The following SCAF8 variants were observed in gnomAD, a reference collection of about 807,000 sequenced individuals.
SCAF8 encodes the protein SR-related CTD associated factor 8, also known as SR-related and CTD-associated factor 8.
In SCAF8, 23 loss-of-function variants were observed where a neutral mutation model predicts 140.5. The observed-to-expected ratio is 0.16, with a 90% confidence interval of 0.12 to 0.23. The LOEUF (loss-of-function observed/expected upper bound fraction) is 0.23. Ranked by LOEUF, SCAF8 falls within the 10% of genes least tolerant of loss-of-function variation. The pLI, the probability that SCAF8 is intolerant of heterozygous loss-of-function variation, is 1.00. For synonymous variants in SCAF8, 575 were observed against 528.9 expected, an observed-to-expected ratio of 1.09 and a Z score of -1.20; for missense variants, 1,397 against 1,555.7, an observed-to-expected ratio of 0.90 and a Z score of 1.72.
intron 1 of SCAF8, among the ~76,000 whole-genome samples, chr6:154,745,161 TCTC>T (rs1249667650): frequency 1.3e-5 from 2 of 152,160 alleles, no homozygotes; most frequent in Non-Finnish European, 2.9e-5. Context: ...TTACTCCTCT[TCTC>T]TTGTATGACC....
At chr6:154,763,299 T>C (rs1436938207) in intron 1 of SCAF8, among the ~76,000 whole-genome samples, 1 of 152,208 alleles carries the variant, frequency 6.6e-6, no homozygotes, top group East Asian at 1.9e-4. Context: ...TTGTGTTGGC[T>C]GCAGAAACTT....
At chr6:154,772,148 TAA>T (rs1053092446) in intron 1 of SCAF8, among the ~76,000 whole-genome samples, 1 of 151,970 alleles carries the variant, frequency 6.6e-6, no homozygotes, top group Non-Finnish European at 1.5e-5. Flanking sequence ...CAAGATTCCC[TAA>T]GTTTGTAGTT....
At chr6:154,802,241 C>T in intron 7 of SCAF8, 94 bp downstream of exon 7, 1 of 713,334 alleles carries the variant, frequency 1.4e-6, no homozygotes, top group Non-Finnish European at 2.2e-6. Flanking sequence ...TTATTGTAGA[C>T]TTTCAGTATC....
intron 1 of SCAF8, among the ~76,000 whole-genome samples, chr6:154,744,691 TG>T (rs2114797343): frequency 6.6e-6 from 1 of 152,320 alleles, no homozygotes. Flanking sequence ...TAGGTTTTTT[TG>T]GTTGGTTGTT....
In SCAF8 at chr6:154,808,745, T is replaced by C. The variant is rs571672715; in HGVS notation, c.1173T>C (p.Ala391=). ...GVEEEVFEQE[A]KKVAVRSRSR... is the part of the protein sequence containing the mutation. The stretch of plus-strand genomic sequence containing the variant: ...AAGAGGAGGTCTTTGAACAAGAAGC[T>C]AAGAAAGTGGCGGTTCGCTCAAGAT... The change falls in exon 11 of 20, where the codon GCT becomes GCC. Residue 391 remains alanine (A), a synonymous_variant. Coordinates refer to ENST00000367178, the MANE Select transcript of SCAF8 (RefSeq NM_014892.5). 10 of 1,613,944 alleles carry C rather than the reference T, an allele frequency of 6.2e-6. No homozygotes were observed. The highest frequency in any genetic ancestry group is 4.0e-5 in the African/African-American group (3 of 75,038).
intron 3 of SCAF8, among the ~76,000 whole-genome samples, chr6:154,783,129 T>G (rs1777132696): frequency 6.6e-6 from 1 of 152,182 alleles, no homozygotes; most frequent in African/African-American, 2.4e-5. Context: ...CATCCATAGC[T>G]CTGTTCTCAT....
chr6:154,784,121 A>ATATATATGTG (rs1491291740), intron 3 of SCAF8, among the ~76,000 whole-genome samples: 18 of 9,552 alleles, frequency 1.9e-3, no homozygotes, highest in African/African-American at 0.013. Context: ...GTGTCTTGAG[A>ATATATATGTG]TATATATATA....
chr6:154,811,675 T>G (rs537499803), intron 12 of SCAF8, among the ~76,000 whole-genome samples: 3 of 152,112 alleles, frequency 2.0e-5, no homozygotes, highest in African/African-American at 7.2e-5. Context: ...CTCCTAATGC[T>G]ACCCTTCCCC....
rs1238027791 is a variant in SCAF8, at chr6:154,733,477, G to A, written c.-424G>A. On this transcript the variant is annotated 5_prime_UTR_variant, in exon 1 of 20. Coordinates refer to ENST00000367178, the MANE Select transcript of SCAF8 (RefSeq NM_014892.5). ...TCCTCTGTCTTCGCCGAGCGGGGCT[G>A]GTTCCTGCGGCCCGAGCGGCGGGGA... is the stretch of plus-strand genomic sequence containing the variant. 1 of 1,351,828 alleles carries A rather than the reference G, an allele frequency of 7.4e-7. No homozygotes were observed. The highest frequency in any genetic ancestry group is 1.8e-5 in the South Asian group (1 of 56,242). The allele number at this position is 1,351,828 out of a possible 1,614,324, so 83.7% of individuals were successfully genotyped here. A position where few individuals can be genotyped will look rare whatever the true frequency, so the allele number is the denominator to read the frequency against.
intron 6 of SCAF8, among the ~76,000 whole-genome samples, chr6:154,796,911 A>G (rs190314923): frequency 2.6e-4 from 39 of 152,138 alleles, no homozygotes; most frequent in African/African-American, 9.4e-4. Flanking sequence ...AGTGGAGGTT[A>G]CAGAGAGCCA....
chr6:154,816,914 G>T (rs567571095), intron 13 of SCAF8, among the ~76,000 whole-genome samples: 1 of 152,264 alleles, frequency 6.6e-6, no homozygotes, highest in African/African-American at 2.4e-5. Flanking sequence ...GAAACTAAGT[G>T]ATTTGCTTGA....
rs1474811939 is a variant in SCAF8, at chr6:154,833,641, C to CT, written c.*250dup. 8.7e-6 allele frequency: 3 copies of CT among 343,976 alleles called. No homozygotes were observed. Among genetic ancestry groups the CT allele is most frequent in the Non-Finnish European group, 1.0e-5 (2 of 191,256 alleles). The allele number at this position is 343,976 out of a possible 1,614,324, so 21.3% of individuals were successfully genotyped here. A position where few individuals can be genotyped will look rare whatever the true frequency, so the allele number is the denominator to read the frequency against. ...AAAATACAAATGTTGGCCCCAGATT[C>CT]TTTTAACGTCAAGGAAATGAATAAC... On this transcript the variant is annotated 3_prime_UTR_variant, in exon 20 of 20. Transcript: ENST00000367178.
chr6:154,814,146 A>G (rs1396348749), intron 12 of SCAF8, among the ~76,000 whole-genome samples: 1 of 152,246 alleles, frequency 6.6e-6, no homozygotes, highest in African/African-American at 2.4e-5. Flanking sequence ...ACGTGGTGAA[A>G]CCACATCTCT....
chr6:154,827,431 T>C (rs188303466), intron 18 of SCAF8, among the ~76,000 whole-genome samples, 191 bp downstream of exon 18: 3 of 152,314 alleles, frequency 2.0e-5, no homozygotes, highest in Admixed American at 1.3e-4. Flanking sequence ...TAAACTCTTA[T>C]GATTGGTTTT....
At chr6:154,787,228 G>A (rs1274241312) in intron 3 of SCAF8, among the ~76,000 whole-genome samples, 1 of 152,236 alleles carries the variant, frequency 6.6e-6, no homozygotes, top group South Asian at 2.1e-4. Flanking sequence ...GCATGGTGCT[G>A]TGCACCTGTG....
chr6:154,745,352 A>G (rs1249139403), intron 1 of SCAF8, among the ~76,000 whole-genome samples: 2 of 152,166 alleles, frequency 1.3e-5, no homozygotes, highest in African/African-American at 2.4e-5. Flanking sequence ...TATTCCATTA[A>G]TAGGGATGTA....
rs766080060 is a variant in SCAF8, at chr6:154,810,168, G to T, written c.1380G>T (p.Gln460His). 1 of 1,610,674 alleles carries T rather than the reference G, an allele frequency of 6.2e-7. No homozygotes were observed. Among genetic ancestry groups the T allele is most frequent in the East Asian group, 2.2e-5 (1 of 44,860 alleles). The change falls in exon 12 of 20, where the codon CAG becomes CAT. Residue 460 changes from glutamine (Q) to histidine (H), a missense_variant. Gln to His is a conservative substitution (Grantham distance 24). Transcript: ENST00000367178. ...RRAREREKER[Q>H]KKGLPPIRSK... Reference sequence around the variant, plus strand: ...CCAGAGAAAGGGAGAAAGAACGACAGAAAAAGGGATTACCTCCAATTAGAT... The same window carrying T: ...CCAGAGAAAGGGAGAAAGAACGACATAAAAAGGGATTACCTCCAATTAGAT...
intron 12 of SCAF8, among the ~76,000 whole-genome samples, chr6:154,814,381 T>C (rs756568974): frequency 8.5e-5 from 13 of 152,166 alleles, no homozygotes; most frequent in African/African-American, 3.1e-4. Context: ...GAAGATTAAA[T>C]TGAATATGCA....
intron 10 of SCAF8, 104 bp from the exon 11 acceptor site, chr6:154,808,582 G>A (rs533061306): frequency 1.8e-5 from 13 of 729,658 alleles, no homozygotes; most frequent in Non-Finnish European, 2.9e-5. Flanking sequence ...CCTGTATTAG[G>A]CATTAATGCT....
Sources: gnomAD v4.1 joint callset for allele counts (sites outside exome capture counted in the v4.1 genomes callset) on GRCh38, gnomAD v4.1.1 for gene constraint, MANE v1.5 for transcripts, NCBI Gene and HGNC (gene_info 2026-07-23, HGNC 2026-07-21) for gene names.